CYP21A2: variants seen among roughly 807,000 people sequenced by gnomAD.
CYP21A2 encodes the protein steroid 21-hydroxylase.
CYP21A2 carries 24 observed loss-of-function variants against 47.4 expected under a neutral mutation model. The ratio of observed to expected loss-of-function variants is 0.51; its 90% CI spans 0.37 to 0.71. CYP21A2 has a LOEUF of 0.71. Ranked by LOEUF, CYP21A2 falls within the 30% of genes least tolerant of loss-of-function variation. The pLI is 0.00. For synonymous variants in CYP21A2, 130 were observed against 273.9 expected (o/e 0.47, Z 5.19); for missense variants, 358 against 643.2 (o/e 0.56, Z 4.80).
At position 32,039,250 on chromosome 6, in the gene CYP21A2, TA is replaced by T. The variant is rs1399200124; in HGVS notation, c.447+4del. 2 of 1,580,058 alleles carry T rather than the reference TA, an allele frequency of 1.3e-6. No homozygotes were observed. Among genetic ancestry groups the T allele is most frequent in the African/African-American group, 2.7e-5 (2 of 74,052 alleles). On this transcript the variant is annotated splice_donor_region_variant and intron_variant, in intron 3 of 9. Transcript: ENST00000644719. ...CAGCTGACCCAGGAGTTCTGTGAGG[TA>T]AGGCTGGGCTCCTGAGGCCACCTCG...
chr6:32,041,017 C>G lies in CYP21A2; in HGVS notation c.1371C>G (p.Asp457Glu). The G allele has an allele frequency of 1.6e-6, 2 of 1,213,320 alleles. No individual in the cohort carries two copies. Among genetic ancestry groups the G allele is most frequent in the Non-Finnish European group, 2.4e-6 (2 of 846,742 alleles). The allele number at this position is 1,213,320 out of a possible 1,614,324, so 75.2% of individuals were successfully genotyped here. ...LQAFTLLPSG[D>E]ALPSLQPLPH... The stretch of plus-strand genomic sequence containing the variant: ...CCTTCACGCTGCTGCCCTCCGGGGA[C>G]GCCCTGCCCTCCCTGCAGCCCCTGC... The change falls in exon 10 of 10, where the codon GAC becomes GAG. Residue 457 changes from aspartate to glutamate, a missense_variant. By Grantham distance (45) the Asp-to-Glu change is conservative. Transcript: ENST00000644719.
At chr6:32,039,072 C>A (rs751545915) in intron 2 of CYP21A2, 22 bp from the exon 3 acceptor site, 1 of 1,575,026 alleles carries the variant, frequency 6.3e-7, no homozygotes, top group Non-Finnish European at 8.7e-7. Flanking sequence ...TCCCACCCTC[C>A]AGCCCCCACC....
intron 2 of CYP21A2, 32 bp from the exon 3 acceptor site, chr6:32,039,062 T>TACCCC: frequency 3.8e-6 from 6 of 1,565,836 alleles, no homozygotes; most frequent in Non-Finnish European, 3.5e-6. Flanking sequence ...CTTCATCAGT[T>TACCCC]CCCACCCTCC....
chr6:32,040,169 C>T lies in CYP21A2; in HGVS notation c.903C>T (p.Leu301=), dbSNP rs758010702. The change falls in exon 7 of 10, where the codon CTC becomes CTT. Residue 301 remains leucine (L), a synonymous_variant. Transcript: ENST00000644719. ...IGGTETTANT[L]SWAVVFLLHH... is the part of the protein sequence containing the mutation. ...GCACTGAGACCACAGCAAACACCCT[C>T]TCCTGGGCCGTGGTTTTTTTGCTTC... 6.2e-7 allele frequency: 1 copy of T among 1,612,898 alleles called. No individual in the cohort carries two copies. The highest frequency in any genetic ancestry group is 1.7e-5 in the Admixed American group (1 of 60,022).
chr6:32,039,062 T>TGGCC, intron 2 of CYP21A2, 32 bp from the exon 3 acceptor site: 3 of 1,565,812 alleles, frequency 1.9e-6, no homozygotes, highest in Non-Finnish European at 2.6e-6. Context: ...CTTCATCAGT[T>TGGCC]CCCACCCTCC....
intron 4 of CYP21A2, 36 bp from the exon 5 acceptor site, chr6:32,039,510 G>T (rs1455449874): frequency 6.4e-7 from 1 of 1,573,162 alleles, no homozygotes. Context: ...GCCTCTCCTT[G>T]TCCTGAACTG....
In CYP21A2 at chr6:32,041,055, T is replaced by C. The variant is rs1776319250; in HGVS notation, c.1409T>C (p.Val470Ala). The C allele has an allele frequency of 7.1e-7, 1 of 1,401,454 alleles. No individual in the cohort carries two copies. The highest frequency in any genetic ancestry group is 9.9e-7 in the Non-Finnish European group (1 of 1,012,552). 86.8% of individuals were successfully genotyped at this position (1,401,454 alleles called of 1,614,324 possible). A position where few individuals can be genotyped will look rare whatever the true frequency, so the allele number is the denominator to read the frequency against. The change falls in exon 10 of 10, where the codon GTC becomes GCC. Residue 470 changes from valine (V) to alanine (A), a missense_variant. By Grantham distance (64) the Val-to-Ala change is moderately conservative. Coordinates refer to ENST00000644719, the MANE Select transcript of CYP21A2 (RefSeq NM_000500.9). ...PSLQPLPHCSVILKMQPFQVR... is the reference protein window; with the variant it reads ...PSLQPLPHCSAILKMQPFQVR... ...CTGCAGCCCCTGCCCCACTGCAGTGTCATCCTCAAGATGCAGCCTTTCCAA... is the reference window on the plus strand; with the variant it reads ...CTGCAGCCCCTGCCCCACTGCAGTGCCATCCTCAAGATGCAGCCTTTCCAA...
In CYP21A2 at chr6:32,039,855, G is replaced by A. The variant is rs773794214; in HGVS notation, c.738+20G>A. 16 of 1,611,510 alleles carry A rather than the reference G, an allele frequency of 9.9e-6. No individual in the cohort carries two copies. Among genetic ancestry groups the A allele is most frequent in the African/African-American group, 5.3e-5 (4 of 74,784 alleles). On this transcript the variant is annotated intron_variant, in intron 6 of 9. Transcript: ENST00000644719. ...CACAAGGTGGGGACTGTACGTGGAC[G>A]GCCTCCCCTCGGCCCACAGCCAGTG...
At position 32,039,743 on chromosome 6, in the gene CYP21A2, C is replaced by T; in HGVS notation, c.652-6C>T. The T allele has an allele frequency of 6.2e-7, 1 of 1,606,870 alleles. No individual in the cohort carries two copies. Among genetic ancestry groups the T allele is most frequent in the South Asian group, 1.1e-5 (1 of 89,582 alleles). On this transcript the variant is annotated splice_polypyrimidine_tract_variant and splice_region_variant and intron_variant, in intron 5 of 9. Transcript: ENST00000644719. The stretch of plus-strand genomic sequence containing the variant: ...CACAGCTGCATTCTCATGCTTCCTG[C>T]CGCAGTTCTTCCCCAATCCAGGTCT...
In CYP21A2 at chr6:32,040,140, G is replaced by A. The variant is rs201552310; in HGVS notation, c.874G>A (p.Gly292Ser). The A allele has an allele frequency of 2.5e-6, 4 of 1,612,734 alleles. No individual in the cohort carries two copies. Among genetic ancestry groups the A allele is most frequent in the East Asian group, 2.2e-5 (1 of 44,880 alleles). Reference protein sequence around the residue: ...VHMAAVDLLIGGTETTANTLS... With the variant: ...VHMAAVDLLISGTETTANTLS... The stretch of plus-strand genomic sequence containing the variant: ...CATGGCTGCAGTGGACCTCCTGATC[G>A]GTGGCACTGAGACCACAGCAAACAC... The change falls in exon 7 of 10, where the codon GGT (glycine) becomes AGT (serine). Residue 292 changes from glycine to serine, a missense_variant. Transcript: ENST00000644719.
chr6:32,038,964 C>G (rs1582301718), intron 2 of CYP21A2, 130 bp from the exon 3 acceptor site: 1 of 1,524,726 alleles, frequency 6.6e-7, no homozygotes, highest in East Asian at 2.5e-5. Context: ...CATCCCCAAT[C>G]CAGGTCCCTG....
chr6:32,041,329 C>G lies in CYP21A2; in HGVS notation c.*195C>G, dbSNP rs1383922301. 1.2e-6 allele frequency: 1 copy of G among 818,038 alleles called. No homozygotes were observed. Among genetic ancestry groups the G allele is most frequent in the Admixed American group, 2.0e-5 (1 of 49,784 alleles). 50.7% of individuals were successfully genotyped at this position (818,038 alleles called of 1,614,324 possible). A position where few individuals can be genotyped will look rare whatever the true frequency, so the allele number is the denominator to read the frequency against. ...AGTGCTCGGCAGTCATACTGGGGTG[C>G]GAGAGAGGTGGGCAGCAGCTCAGCC... On this transcript the variant is annotated 3_prime_UTR_variant, in exon 10 of 10. Transcript: ENST00000644719.
chr6:32,039,885 T>C, intron 6 of CYP21A2, 50 bp downstream of exon 6: 2 of 1,606,846 alleles, frequency 1.2e-6, no homozygotes, highest in Non-Finnish European at 1.7e-6. Context: ...CCAGTGATGC[T>C]ACCGGCCTCA....
At chr6:32,039,704 G>C in intron 5 of CYP21A2, 45 bp from the exon 6 acceptor site, 8 of 1,576,256 alleles carry the variant, frequency 5.1e-6, no homozygotes, top group Non-Finnish European at 6.9e-6. Context: ...GGGGTGGAGG[G>C]AGAGGCTCCT....
chr6:32,041,011 C>A lies in CYP21A2; in HGVS notation c.1365C>A (p.Ser455=). 2 of 1,220,132 alleles carry A rather than the reference C, an allele frequency of 1.6e-6. No individual in the cohort carries two copies. Among genetic ancestry groups the A allele is most frequent in the Non-Finnish European group, 2.3e-6 (2 of 853,262 alleles). The allele number at this position is 1,220,132 out of a possible 1,614,324, so 75.6% of individuals were successfully genotyped here. A position where few individuals can be genotyped will look rare whatever the true frequency, so the allele number is the denominator to read the frequency against. ...RLLQAFTLLP[S]GDALPSLQPL... ...TGCAGGCCTTCACGCTGCTGCCCTC[C>A]GGGGACGCCCTGCCCTCCCTGCAGC... The change falls in exon 10 of 10, where the codon TCC becomes TCA. Residue 455 remains serine (S), a synonymous_variant. Coordinates refer to ENST00000644719, the MANE Select transcript of CYP21A2 (RefSeq NM_000500.9).
rs750703275 is a variant in CYP21A2, at chr6:32,039,806, A to G, written c.709A>G (p.Ile237Val). 7 of 1,613,950 alleles carry G rather than the reference A, an allele frequency of 4.3e-6. No homozygotes were observed. In the Middle Eastern group the frequency reaches 4.9e-4, roughly 114 times the overall value. ...LKQAIEKRDHIVEMQLRQHKE... is the reference protein window; with the variant it reads ...LKQAIEKRDHVVEMQLRQHKE... ...GCAGGCCATAGAGAAGAGGGATCAC[A>G]TCGTGGAGATGCAGCTGAGGCAGCA... is the stretch of plus-strand genomic sequence containing the variant. Residue 237 changes from isoleucine (I) to valine (V), a missense_variant, in exon 6 of 10, where the codon ATC (isoleucine) becomes GTC (valine). Ile to Val is a conservative substitution (Grantham distance 29, BLOSUM62 3). Transcript: ENST00000644719.
rs1257918695 is a variant in CYP21A2 at position 32,039,104 on chromosome 6, G to A, written c.303G>A (p.Val101=). The A allele has an allele frequency of 1.4e-5, 23 of 1,606,978 alleles. No homozygotes were observed. Among genetic ancestry groups the A allele is most frequent in the Non-Finnish European group, 2.0e-5 (23 of 1,176,948 alleles). ...CACCTCCTCCTGCAGACAAGCTGGT[G>A]TCTAGGAACTACCCGGACCTGTCCT... ...GRPEPLTYKL[V]SRNYPDLSLG... Residue 101 remains valine, a synonymous_variant, in exon 3 of 10, where the codon GTG becomes GTA. Transcript: ENST00000644719.
Position 32,040,038 on chromosome 6 carries a change from A to AT in CYP21A2, c.773dup (p.Met258IlefsTer38), listed in dbSNP as rs1776173453. Reference sequence around the variant, plus strand: ...CGTGGCAGGCCAGTGGAGGGACATGATGGACTACATGCTCCAAGGGGTGGC... The same window carrying AT: ...CGTGGCAGGCCAGTGGAGGGACATGATTGGACTACATGCTCCAAGGGGTGGC... On this transcript the variant is annotated frameshift_variant, in exon 7 of 10. Transcript: ENST00000644719. LOFTEE classifies it high-confidence loss of function. The AT allele has an allele frequency of 6.2e-7, 1 of 1,612,422 alleles. No homozygotes were observed.
rs202079601 is a variant in CYP21A2, at chr6:32,038,527, G to A, written c.105G>A (p.Pro35=). 9 of 1,607,704 alleles carry A rather than the reference G, an allele frequency of 5.6e-6. No homozygotes were observed. Among genetic ancestry groups the A allele is most frequent in the African/African-American group, 1.3e-5 (1 of 74,818 alleles). Reference sequence around the variant, plus strand: ...GCCTCCACCTCCCGCCTCTTGCCCCGGGCTTCTTGCACCTGCTGCAGCCCG... The same window carrying A: ...GCCTCCACCTCCCGCCTCTTGCCCCAGGCTTCTTGCACCTGCTGCAGCCCG... The part of the protein sequence containing the change: ...LRSLHLPPLA[P]GFLHLLQPDL... The change falls in exon 1 of 10, where the codon CCG becomes CCA. Residue 35 remains proline, a synonymous_variant. Coordinates refer to ENST00000644719, the MANE Select transcript of CYP21A2 (RefSeq NM_000500.9).
Sources: allele counts gnomAD v4.1 joint callset, GRCh38; gene constraint gnomAD v4.1.1; transcripts MANE v1.5; gene names NCBI Gene and HGNC (gene_info 2026-07-23, HGNC 2026-07-21).